The following CAST variants were observed in gnomAD, a reference collection of about 807,000 sequenced individuals.
CAST encodes the protein calpastatin, also known as MIR583 host.
In CAST, 76 loss-of-function variants were observed where a neutral mutation model predicts 119.6. The ratio of observed to expected loss-of-function variants is 0.64; its 90% CI spans 0.53 to 0.77. The LOEUF (loss-of-function observed/expected upper bound fraction) is 0.77, where lower values mean the gene tolerates loss of function less well. Among genes scored for constraint, CAST ranks in the 30% least tolerant of loss-of-function variants. The pLI is 0.00. For synonymous variants in CAST, 319 were observed against 331.6 expected, an observed-to-expected ratio of 0.96 and a Z score of 0.41; for missense variants, 953 against 946.5, an observed-to-expected ratio of 1.01 and a Z score of -0.09.
intron 11 of CAST, 110 bp downstream of exon 11, chr5:96,738,057 C>G: frequency 1.5e-6 from 1 of 647,054 alleles, no homozygotes; most frequent in South Asian, 1.8e-5. Context: ...CGCAGTGGCT[C>G]ACATCTGTAA....
At chr5:96,207,732 C>T in the CAST span, among the ~76,000 whole-genome samples, 1 of 152,174 alleles carries the variant, frequency 6.6e-6, no homozygotes, top group East Asian at 1.9e-4. Context: ...CATCTATGTT[C>T]ATCATGGATA....
intron 27 of CAST, among the ~76,000 whole-genome samples, chr5:96,766,954 G>A (rs902001639): frequency 6.6e-6 from 1 of 152,116 alleles, no homozygotes; most frequent in Non-Finnish European, 1.5e-5. Flanking sequence ...CCTCAAGATA[G>A]CAATTCCACA....
At chr5:96,606,568 C>A (rs1163945547) in intron 1 of CAST, among the ~76,000 whole-genome samples, 1 of 152,190 alleles carries the variant, frequency 6.6e-6, no homozygotes, top group East Asian at 1.9e-4. Flanking sequence ...CTGCTTCAGC[C>A]TTATAAATAT....
chr5:96,656,109 C>T (rs752305522), intron 1 of CAST, among the ~76,000 whole-genome samples: 2 of 152,114 alleles, frequency 1.3e-5, no homozygotes, highest in East Asian at 1.9e-4. Context: ...AAGAATTGTT[C>T]CATGAAACTT....
In CAST at chr5:96,750,646, T is replaced by C. The variant is rs138628849; in HGVS notation, c.1488T>C (p.Cys496=). The stretch of plus-strand genomic sequence containing the variant: ...AGGCTGTGTGTCGGACCTCCATGTG[T>C]AGTATACAGTCAGCACCCCCTGAGC... The part of the protein sequence containing the change: ...VSEAVCRTSM[C]SIQSAPPEPA... The change falls in exon 20 of 32, where the codon TGT becomes TGC. Residue 496 remains cysteine, a synonymous_variant. Transcript: ENST00000675179. The C allele has an allele frequency of 3.8e-5, 61 of 1,613,396 alleles. No homozygotes were observed. The African/African-American group carries it at 7.6e-4, about 20-fold the overall frequency.
the CAST span, among the ~76,000 whole-genome samples, chr5:96,439,831 G>T: frequency 6.6e-6 from 1 of 152,128 alleles, no homozygotes; most frequent in Non-Finnish European, 1.5e-5. Flanking sequence ...TATAATCCTT[G>T]AAGCTGTTGT....
the CAST span, among the ~76,000 whole-genome samples, chr5:96,238,889 T>TAC: frequency 1.3e-5 from 2 of 152,184 alleles, no homozygotes; most frequent in African/African-American, 4.8e-5. Context: ...TGATTGTACA[T>TAC]ACCTCCTTAA....
chr5:96,682,434 C>G (rs1751545472), intron 2 of CAST, among the ~76,000 whole-genome samples: 1 of 152,210 alleles, frequency 6.6e-6, no homozygotes, highest in East Asian at 1.9e-4. Context: ...CATTCCATCT[C>G]AATCTATAGC....
At chr5:96,550,419 A>G (rs1353020279) in intron 1 of CAST, among the ~76,000 whole-genome samples, 2 of 152,232 alleles carry the variant, frequency 1.3e-5, no homozygotes, top group African/African-American at 2.4e-5. Flanking sequence ...GGTCACCAAC[A>G]TCAAAGACCA....
At chr5:96,547,310 T>C (rs772331263) in intron 1 of CAST, among the ~76,000 whole-genome samples, 2 of 152,086 alleles carry the variant, frequency 1.3e-5, no homozygotes, top group Non-Finnish European at 2.9e-5. Context: ...TGAGGACAAG[T>C]GTAACATGGT....
chr5:96,194,770 TC>T, the CAST span, among the ~76,000 whole-genome samples: 2 of 152,346 alleles, frequency 1.3e-5, no homozygotes, highest in African/African-American at 4.8e-5. Context: ...GGTGACAATT[TC>T]CTCATATTGT....
the CAST span, among the ~76,000 whole-genome samples, chr5:96,189,957 A>G: frequency 2.6e-5 from 4 of 152,064 alleles, no homozygotes; most frequent in African/African-American, 4.8e-5. Context: ...CTTTAATGCT[A>G]TTGGTATTCC....
chr5:96,399,152 C>T, the CAST span: 1 of 746,724 alleles, frequency 1.3e-6, no homozygotes, highest in Non-Finnish European at 2.3e-6. Context: ...TTGTCACTCC[C>T]TGTGATGTGT....
chr5:96,439,307 T>C, the CAST span, among the ~76,000 whole-genome samples: 1 of 150,678 alleles, frequency 6.6e-6, no homozygotes, highest in Non-Finnish European at 1.5e-5. Flanking sequence ...ACTTATGAAA[T>C]GGGGAGAACA....
At chr5:96,310,626 A>G in the CAST span, among the ~76,000 whole-genome samples, 1 of 148,802 alleles carries the variant, frequency 6.7e-6, no homozygotes, top group Non-Finnish European at 1.5e-5. Flanking sequence ...TTATTGGTTT[A>G]TTCAGATTTC....
At chr5:96,653,308 A>T (rs1186527240) in intron 1 of CAST, among the ~76,000 whole-genome samples, 4 of 152,244 alleles carry the variant, frequency 2.6e-5, no homozygotes, top group Admixed American at 1.3e-4. Flanking sequence ...CCTCAAAGTC[A>T]ACTGCATAAT....
the CAST span, among the ~76,000 whole-genome samples, chr5:96,376,714 G>A: frequency 1.3e-5 from 2 of 152,144 alleles, no homozygotes; most frequent in Non-Finnish European, 2.9e-5. Flanking sequence ...TGCTGGGACT[G>A]CAGAAGTTTG....
At chr5:96,088,119 A>C in the CAST span, among the ~76,000 whole-genome samples, 94,512 of 152,088 alleles carry the variant, frequency 0.62, 29,563 homozygotes, top group South Asian at 0.68. Context: ...ATACAGCAAC[A>C]TCCTGGTTTA....
At chr5:96,341,538 A>G in the CAST span, among the ~76,000 whole-genome samples, 1 of 152,090 alleles carries the variant, frequency 6.6e-6, no homozygotes, top group Non-Finnish European at 1.5e-5. Context: ...TCTTCTTAAT[A>G]TAGTGGTTCC....
Sources: gnomAD v4.1 joint callset for allele counts (sites outside exome capture counted in the v4.1 genomes callset) on GRCh38, gnomAD v4.1.1 for gene constraint, MANE v1.5 for transcripts, NCBI Gene and HGNC (gene_info 2026-07-23, HGNC 2026-07-21) for gene names.